The following NEDD4 variants were observed in gnomAD, a reference collection of about 807,000 sequenced individuals.
The protein encoded by NEDD4 is E3 ubiquitin-protein ligase NEDD4.
Under a neutral mutation model 144.9 loss-of-function variants are expected in NEDD4, and 99 were observed. That is an observed-to-expected ratio of 0.68 (90% CI 0.58 to 0.81). The LOEUF (loss-of-function observed/expected upper bound fraction) is 0.81. Ranked by LOEUF, NEDD4 falls within the 30% of genes least tolerant of loss-of-function variation. The pLI, the probability that NEDD4 is intolerant of heterozygous loss-of-function variation, is 0.00. For missense variants in NEDD4, 985 were observed against 1,065.9 expected (o/e 0.92, Z 1.06); for synonymous variants, 318 against 350.6 (o/e 0.91, Z 1.04).
At chr15:55,846,484 G>A (rs563969168) in intron 18 of NEDD4, among the ~76,000 whole-genome samples, 57 of 152,204 alleles carry the variant, frequency 3.7e-4, no homozygotes, top group Non-Finnish European at 6.8e-4. Flanking sequence ...AAGGAGACAA[G>A]TCACAAGAGC....
intron 4 of NEDD4, among the ~76,000 whole-genome samples, chr15:55,928,683 A>C (rs2036722716): frequency 6.6e-6 from 1 of 151,982 alleles, no homozygotes; most frequent in South Asian, 2.1e-4. Flanking sequence ...TCAAATGCCA[A>C]CCTCTCCCTA....
At chr15:55,932,105 G>A (rs1279205748) in intron 4 of NEDD4, among the ~76,000 whole-genome samples, 5 of 152,116 alleles carry the variant, frequency 3.3e-5, no homozygotes, top group Non-Finnish European at 1.5e-5. Flanking sequence ...GTAGTGGGAG[G>A]GACCTGGTGG....
At chr15:55,842,837 T>G (rs1261507760) in intron 18 of NEDD4, among the ~76,000 whole-genome samples, 1 of 152,216 alleles carries the variant, frequency 6.6e-6, no homozygotes, top group Non-Finnish European at 1.5e-5. Context: ...CTACCTCTAC[T>G]TTCCTCCCTG....
intron 5 of NEDD4, 125 bp downstream of exon 5, chr15:55,924,521 G>T (rs2036626837): frequency 4.1e-6 from 3 of 723,604 alleles, no homozygotes; most frequent in African/African-American, 3.6e-5. Context: ...TCACCATTTT[G>T]CCCAGAGTCT....
rs765883456 is a variant in NEDD4, at chr15:55,974,726, T to TAA, written c.46-8182_46-8181dup. Among the ~76,000 whole-genome samples, 65 of 130,930 alleles carry TAA rather than the reference T, an allele frequency of 5.0e-4. No individual in the cohort carries two copies. In the East Asian group the frequency reaches 7.7e-3, roughly 16 times the overall value. The allele number at this position is 130,930 out of a possible 152,430, so 85.9% of individuals were successfully genotyped here. A position where few individuals can be genotyped will look rare whatever the true frequency, so the allele number is the denominator to read the frequency against. ...GATAAATTTCAACATCTCTTCATGA[T>TAA]AAAAAAAAAAACCCTCAAAAACCTG... On this transcript the variant is annotated intron_variant, in intron 1 of 28. Coordinates refer to ENST00000435532, the MANE Select transcript of NEDD4 (RefSeq NM_006154.4).
intron 24 of NEDD4, among the ~76,000 whole-genome samples, chr15:55,836,294 A>G (rs1193345807): frequency 6.6e-6 from 1 of 151,880 alleles, no homozygotes; most frequent in Non-Finnish European, 1.5e-5. Flanking sequence ...AGCACCATAC[A>G]CATAGTACTC....
At chr15:55,836,879 G>A (rs1267026813) in intron 24 of NEDD4, among the ~76,000 whole-genome samples, 4 of 151,424 alleles carry the variant, frequency 2.6e-5, no homozygotes, top group African/African-American at 4.9e-5. Flanking sequence ...CGTTGGTCTC[G>A]AACTCCTGGG....
At position 55,959,449 on chromosome 15, in the gene NEDD4, C is replaced by T. The variant is rs1401908245; in HGVS notation, c.119+7024G>A. ...TCTATCTTGATTAACGTACCATGTGCATTTCAAAAGAATGTGGTTTATTGT... is the reference window on the plus strand; with the variant it reads ...TCTATCTTGATTAACGTACCATGTGTATTTCAAAAGAATGTGGTTTATTGT... On this transcript the variant is annotated intron_variant, in intron 2 of 28. Transcript: ENST00000435532. Among the ~76,000 whole-genome samples the T allele has an allele frequency of 2.0e-5, 3 of 152,176 alleles. No homozygotes were observed. In the South Asian group the frequency reaches 6.2e-4, roughly 32 times the overall value.
Position 55,942,423 on chromosome 15 carries a change from G to A in NEDD4, c.237+8953C>T, listed in dbSNP as rs990540725. Among the ~76,000 whole-genome samples, 28 of 152,284 alleles carry A rather than the reference G, an allele frequency of 1.8e-4. No individual in the cohort carries two copies. The South Asian group carries it at 2.3e-3, about 12-fold the overall frequency. On this transcript the variant is annotated intron_variant, in intron 4 of 28. Coordinates refer to ENST00000435532, the MANE Select transcript of NEDD4 (RefSeq NM_006154.4). ...AGGAGGGGCCAGATGGGAGGTGACC[G>A]GATCACGGAGGCAGACTTCCCCCTT...
intron 1 of NEDD4, among the ~76,000 whole-genome samples, chr15:55,981,540 A>T (rs939476743): frequency 1.3e-5 from 2 of 152,216 alleles, no homozygotes; most frequent in African/African-American, 4.8e-5. Context: ...AATAAAATCA[A>T]TTAGAAGTGT....
At chr15:55,838,218 C>T (rs780887324) in intron 22 of NEDD4, 38 bp from the exon 23 acceptor site, 30 of 1,413,942 alleles carry the variant, frequency 2.1e-5, no homozygotes, top group Admixed American at 4.2e-5. Flanking sequence ...GTTATTTTAG[C>T]GAGAAAAATT....
chr15:55,986,635 G>A (rs1367426255), intron 1 of NEDD4, among the ~76,000 whole-genome samples: 1 of 136,950 alleles, frequency 7.3e-6, no homozygotes, highest in African/African-American at 2.8e-5. Flanking sequence ...CGTCGCCGAG[G>A]CTGGAGTGCA....
chr15:55,883,659 C>T (rs192129775), intron 5 of NEDD4, among the ~76,000 whole-genome samples: 191 of 151,484 alleles, frequency 1.3e-3, no homozygotes, highest in Non-Finnish European at 9.6e-4. Context: ...GTCATCCCTC[C>T]CCTAGTTCCA....
chr15:55,896,750 G>C (rs2142140185), intron 5 of NEDD4, among the ~76,000 whole-genome samples: 1 of 152,118 alleles, frequency 6.6e-6, no homozygotes, highest in Non-Finnish European at 1.5e-5. Flanking sequence ...TAAAATCTGT[G>C]TAAAAACTGC....
intron 2 of NEDD4, among the ~76,000 whole-genome samples, chr15:55,959,319 A>T (rs186925512): frequency 6.6e-6 from 1 of 152,180 alleles, no homozygotes; most frequent in Non-Finnish European, 1.5e-5. Context: ...CTAGATCTTA[A>T]TATTATTGGT....
chr15:55,976,236 C>T (rs2037698065), intron 1 of NEDD4, among the ~76,000 whole-genome samples: 1 of 152,132 alleles, frequency 6.6e-6, no homozygotes, highest in Non-Finnish European at 1.5e-5. Context: ...TGGATCACAT[C>T]AACTTAAAAA....
chr15:55,977,594 T>C (rs1447778438), intron 1 of NEDD4, among the ~76,000 whole-genome samples: 1 of 152,006 alleles, frequency 6.6e-6, no homozygotes, highest in African/African-American at 2.4e-5. Flanking sequence ...CATCACCAAA[T>C]AAAATTAAAT....
chr15:55,834,350 T>C, intron 24 of NEDD4, 64 bp from the exon 25 acceptor site: 1 of 998,308 alleles, frequency 1.0e-6, no homozygotes, highest in Non-Finnish European at 1.5e-6. Context: ...ATGCCTCAGC[T>C]TCTGGATGCT....
At chr15:55,926,776 C>T (rs1212254422) in intron 4 of NEDD4, among the ~76,000 whole-genome samples, 1 of 151,908 alleles carries the variant, frequency 6.6e-6, no homozygotes, top group African/African-American at 2.4e-5. Flanking sequence ...CTCCCCTCCA[C>T]CACACCCCCC....
Sources: allele counts gnomAD v4.1 joint callset (sites outside exome capture counted in the v4.1 genomes callset), GRCh38; gene constraint gnomAD v4.1.1; transcripts MANE v1.5; gene names NCBI Gene and HGNC (gene_info 2026-07-23, HGNC 2026-07-21).